QRSL1: variants seen among roughly 807,000 people sequenced by gnomAD.
QRSL1 encodes glutaminyl-tRNA amidotransferase subunit QRSL1, also known as glutamyl-tRNA(Gln) amidotransferase subunit A, mitochondrial.
Under a neutral mutation model 61.6 loss-of-function variants are expected in QRSL1, and 54 were observed. The ratio of observed to expected loss-of-function variants is 0.88; its 90% CI spans 0.70 to 1.10. The LOEUF is 1.10. QRSL1 is among the 50% of genes least tolerant of loss of function. The pLI is 0.00. For missense variants in QRSL1, 505 were observed against 622.6 expected (o/e 0.81, Z 2.01); for synonymous variants, 228 against 225.7 (o/e 1.01, Z -0.09).
intron 7 of QRSL1, among the ~76,000 whole-genome samples, chr6:106,654,349 CAA>C (rs528316129): frequency 1.7e-4 from 17 of 101,626 alleles, no homozygotes; most frequent in Non-Finnish European, 1.7e-4. Context: ...GACTCCGTCT[CAA>C]AAAAAAAAAA....
rs1431304303 is a variant in QRSL1, at chr6:106,667,499, A to G, written c.*1497A>G. 6.6e-6 allele frequency: 1 copy of G among 152,346 alleles called. No homozygotes were observed. Among genetic ancestry groups the G allele is most frequent in the Admixed American group, 6.5e-5 (1 of 15,304 alleles). 9.4% of individuals were successfully genotyped at this position (152,346 alleles called of 1,614,324 possible). A position where few individuals can be genotyped will look rare whatever the true frequency, so the allele number is the denominator to read the frequency against. On this transcript the variant is annotated 3_prime_UTR_variant, in exon 11 of 11. Transcript: ENST00000369046. ...GCACTTACATATTGTTGATAAATGA[A>G]AGCTGAATTGTTACTTAATAAATTC...
intron 3 of QRSL1, 21 bp downstream of exon 3, chr6:106,640,942 G>T: frequency 6.5e-7 from 1 of 1,543,656 alleles, no homozygotes; most frequent in South Asian, 1.2e-5. Context: ...ACTGATCAGA[G>T]CATTGATAAT....
At position 106,634,925 on chromosome 6, in the gene QRSL1, T is replaced by C. The variant is rs143412020; in HGVS notation, c.24+5220T>C. ...CAAGGAGGATACTTAGGTTTTGGGC[T>C]AGGGCAGTTGGGGAAATGTGACATC... On this transcript the variant is annotated intron_variant, in intron 1 of 10. Coordinates refer to ENST00000369046, the MANE Select transcript of QRSL1 (RefSeq NM_018292.5). Among the ~76,000 whole-genome samples the C allele has an allele frequency of 3.4e-3, 511 of 152,198 alleles. 5 individuals carry two copies. The highest frequency in any genetic ancestry group is 0.012 in the African/African-American group (479 of 41,524).
intron 2 of QRSL1, 32 bp downstream of exon 2, chr6:106,640,540 T>A: frequency 6.7e-7 from 1 of 1,485,368 alleles, no homozygotes; most frequent in South Asian, 1.4e-5. Context: ...TTAATTGTTA[T>A]ATCTCCAGAG....
intron 4 of QRSL1, 37 bp downstream of exon 4, chr6:106,643,127 G>C (rs1208534986): frequency 7.2e-7 from 1 of 1,387,436 alleles, no homozygotes; most frequent in Non-Finnish European, 1.0e-6. Context: ...AGTTTCTTCT[G>C]TCTGTGCCTT....
In QRSL1 at chr6:106,665,813, C is replaced by T. The variant is rs1341939211; in HGVS notation, c.1398C>T (p.Leu466=). 1 of 1,613,962 alleles carries T rather than the reference C, an allele frequency of 6.2e-7. No individual in the cohort carries two copies. Among genetic ancestry groups the T allele is most frequent in the Non-Finnish European group, 8.5e-7 (1 of 1,179,866 alleles). ...GLPAVSIPVA[L]SNQGLPIGLQ... The stretch of plus-strand genomic sequence containing the variant: ...CAGCAGTGAGTATCCCTGTTGCACT[C>T]TCAAACCAAGGGTTGCCAATAGGAC... Residue 466 remains leucine, a synonymous_variant, in exon 11 of 11, where the codon CTC becomes CTT. Coordinates refer to ENST00000369046, the MANE Select transcript of QRSL1 (RefSeq NM_018292.5).
chr6:106,652,723 CTT>C, intron 7 of QRSL1, 141 bp downstream of exon 7: 2 of 1,540,452 alleles, frequency 1.3e-6, no homozygotes, highest in Non-Finnish European at 1.8e-6. Flanking sequence ...GACTTAATCT[CTT>C]TTAGCTCAAT....
At chr6:106,639,291 A>G (rs1190313316) in intron 1 of QRSL1, among the ~76,000 whole-genome samples, 1 of 151,518 alleles carries the variant, frequency 6.6e-6, no homozygotes, top group Non-Finnish European at 1.5e-5. Flanking sequence ...ACACCTGGCT[A>G]ATTTTTGTAT....
intron 2 of QRSL1, 128 bp downstream of exon 2, chr6:106,640,636 G>T: frequency 9.8e-7 from 1 of 1,023,864 alleles, no homozygotes; most frequent in Non-Finnish European, 1.4e-6. Flanking sequence ...TTGCCATGAG[G>T]ATAATAAAAA....
rs1232307196 is a variant in QRSL1, at chr6:106,649,049, T to C, written c.405T>C (p.Phe135=). 2 of 1,613,490 alleles carry C rather than the reference T, an allele frequency of 1.2e-6. No individual in the cohort carries two copies. Among genetic ancestry groups the C allele is most frequent in the South Asian group, 2.2e-5 (2 of 91,030 alleles). The change falls in exon 5 of 11, where the codon TTT becomes TTC. Residue 135 remains phenylalanine (F), a synonymous_variant. Coordinates refer to ENST00000369046, the MANE Select transcript of QRSL1 (RefSeq NM_018292.5). ...GATCTGGGAGCACAGATGGTGTATTTGGACCAGTTAAAAACCCCTGGAGTT... is the reference window on the plus strand; with the variant it reads ...GATCTGGGAGCACAGATGGTGTATTCGGACCAGTTAAAAACCCCTGGAGTT... ...AMGSGSTDGV[F]GPVKNPWSYS...
rs1777432152 is a variant in QRSL1 at position 106,666,222 on chromosome 6, G to A, written c.*220G>A. The A allele has an allele frequency of 2.0e-6, 1 of 501,164 alleles. No homozygotes were observed. 31.0% of individuals were successfully genotyped at this position (501,164 alleles called of 1,614,324 possible). A position where few individuals can be genotyped will look rare whatever the true frequency, so the allele number is the denominator to read the frequency against. ...AGCTACTCAGGAGGCTGAGGCAGGA[G>A]AATCACTTGAACCCTGGAGGTGGAG... On this transcript the variant is annotated 3_prime_UTR_variant, in exon 11 of 11. Coordinates refer to ENST00000369046, the MANE Select transcript of QRSL1 (RefSeq NM_018292.5).
At chr6:106,658,488 A>G (rs1382408237) in intron 9 of QRSL1, among the ~76,000 whole-genome samples, 2 of 152,092 alleles carry the variant, frequency 1.3e-5, no homozygotes, top group Non-Finnish European at 2.9e-5. Flanking sequence ...CAGGAGTGAG[A>G]GCCTGCACTG....
chr6:106,658,883 CATCT>C (rs1777311749), intron 9 of QRSL1, among the ~76,000 whole-genome samples: 1 of 152,046 alleles, frequency 6.6e-6, no homozygotes, highest in African/African-American at 2.4e-5. Context: ...TTCTGTCCTC[CATCT>C]GTCTGGGACT....
At chr6:106,658,109 A>C (rs577224740) in intron 9 of QRSL1, among the ~76,000 whole-genome samples, 27 of 152,026 alleles carry the variant, frequency 1.8e-4, no homozygotes, top group African/African-American at 6.3e-4. Context: ...TTTTTCTTTT[A>C]ACCTTTTCTT....
chr6:106,630,998 G>A (rs1332863592), intron 1 of QRSL1, among the ~76,000 whole-genome samples: 1 of 152,086 alleles, frequency 6.6e-6, no homozygotes, highest in Non-Finnish European at 1.5e-5. Context: ...AGGCCGAGGC[G>A]GGTGGATCAC....
chr6:106,662,076 C>A (rs186765760), intron 9 of QRSL1, among the ~76,000 whole-genome samples: 4 of 152,058 alleles, frequency 2.6e-5, no homozygotes, highest in Admixed American at 2.6e-4. Context: ...TTTTCCTTTT[C>A]TTTGTATCAT....
Position 106,667,267 on chromosome 6 carries a change from A to C in QRSL1, c.*1265A>C, listed in dbSNP as rs939146740. 1 of 152,164 alleles carries C rather than the reference A, an allele frequency of 6.6e-6. No individual in the cohort carries two copies. The highest frequency in any genetic ancestry group is 1.5e-5 in the Non-Finnish European group (1 of 68,028). The allele number at this position is 152,164 out of a possible 1,614,324, so 9.4% of individuals were successfully genotyped here. On this transcript the variant is annotated 3_prime_UTR_variant, in exon 11 of 11. Transcript: ENST00000369046. ...CCTTACCCCAGATTCTCTATATCTCATGGTTTCCTTTTCCTCTTGACTGTC... is the reference window on the plus strand; with the variant it reads ...CCTTACCCCAGATTCTCTATATCTCCTGGTTTCCTTTTCCTCTTGACTGTC...
intron 3 of QRSL1, chr6:106,642,427 G>T: frequency 1.8e-6 from 1 of 568,694 alleles, no homozygotes; most frequent in Non-Finnish European, 3.2e-6. Context: ...TGGCCTTTTG[G>T]CGGGAACCAC....
In QRSL1 at chr6:106,662,072, T is replaced by C. The variant is rs533164399; in HGVS notation, c.1161-908T>C. On this transcript the variant is annotated intron_variant, in intron 9 of 10. Transcript: ENST00000369046. ...GAAGAATCTAAAGGATTTTTTTTCC[T>C]TTTCTTTGTATCATTGATTTATGGT... Among the ~76,000 whole-genome samples, 4 of 152,294 alleles carry C rather than the reference T, an allele frequency of 2.6e-5. No homozygotes were observed. The East Asian group carries it at 5.8e-4, about 22-fold the overall frequency.
Sources: gnomAD v4.1 joint callset for allele counts (sites outside exome capture counted in the v4.1 genomes callset) on GRCh38, gnomAD v4.1.1 for gene constraint, MANE v1.5 for transcripts, NCBI Gene and HGNC (gene_info 2026-07-23, HGNC 2026-07-21) for gene names.